Variants in CNTN6 observed in about 807,000 individuals in gnomAD.
CNTN6 encodes the protein contactin-6.
A neutral mutation model predicts 122.8 loss-of-function variants in CNTN6; 137 were observed. That is an observed-to-expected ratio of 1.12 (90% CI 0.97 to 1.29). CNTN6 has a LOEUF of 1.29. Among genes scored for constraint, CNTN6 ranks in the 50% most tolerant of loss-of-function variants. The pLI is 0.00. For synonymous variants in CNTN6, 570 were observed against 426.0 expected (o/e 1.34, Z -4.16); for missense variants, 1,634 against 1,223.4 (o/e 1.34, Z -5.01).
At chr3:1,291,549 G>C (rs533403285) in intron 5 of CNTN6, among the ~76,000 whole-genome samples, 1 of 152,194 alleles carries the variant, frequency 6.6e-6, no homozygotes, top group Admixed American at 6.5e-5. Context: ...ATAAGGATCC[G>C]TAAGCTGAGA....
At chr3:1,268,544 T>C (rs568980962) in intron 4 of CNTN6, among the ~76,000 whole-genome samples, 46 of 145,726 alleles carry the variant, frequency 3.2e-4, no homozygotes, top group African/African-American at 1.0e-3. Flanking sequence ...GAGGAGGAGC[T>C]TGCAGTGAGC....
chr3:1,372,586 T>G, intron 13 of CNTN6, 112 bp downstream of exon 13: 1 of 944,966 alleles, frequency 1.1e-6, no homozygotes, highest in Non-Finnish European at 1.6e-6. Context: ...AATCACTGAC[T>G]GTTTTTGAAG....
At chr3:1,344,126 A>T (rs1354924023) in intron 11 of CNTN6, among the ~76,000 whole-genome samples, 1 of 152,080 alleles carries the variant, frequency 6.6e-6, no homozygotes, top group East Asian at 1.9e-4. Context: ...GAGAAAGCAT[A>T]TCGTGAACTC....
chr3:1,250,034 G>C (rs1398847736), intron 4 of CNTN6, among the ~76,000 whole-genome samples: 1 of 152,088 alleles, frequency 6.6e-6, no homozygotes, highest in African/African-American at 2.4e-5. Context: ...GTAAAATGTA[G>C]CTGATTCAAA....
chr3:1,145,861 T>C (rs1218527505), intron 1 of CNTN6, among the ~76,000 whole-genome samples: 1 of 152,170 alleles, frequency 6.6e-6, no homozygotes, highest in East Asian at 1.9e-4. Context: ...ACTTTGGATG[T>C]TTGTGAAATT....
chr3:1,244,298 G>A (rs962848437), intron 4 of CNTN6, among the ~76,000 whole-genome samples: 4 of 152,260 alleles, frequency 2.6e-5, no homozygotes, highest in Admixed American at 6.5e-5. Flanking sequence ...GTAGAGACAC[G>A]GAGGGAAGGG....
intron 6 of CNTN6, among the ~76,000 whole-genome samples, chr3:1,296,142 C>G (rs1696193329): frequency 6.6e-6 from 1 of 152,020 alleles, no homozygotes; most frequent in Non-Finnish European, 1.5e-5. Context: ...AAACATATAA[C>G]TGAATCAATA....
At chr3:1,241,621 G>T (rs973472561) in intron 4 of CNTN6, among the ~76,000 whole-genome samples, 1 of 152,074 alleles carries the variant, frequency 6.6e-6, no homozygotes, top group African/African-American at 2.4e-5. Flanking sequence ...GCCCAAGGGG[G>T]TTCAGCATAA....
chr3:1,126,468 A>G (rs1257604373), intron 1 of CNTN6, among the ~76,000 whole-genome samples: 2 of 151,772 alleles, frequency 1.3e-5, no homozygotes, highest in East Asian at 3.9e-4. Flanking sequence ...TTCCAATCTC[A>G]TTATACCCCA....
rs80240088 is a variant in CNTN6 at position 1,353,410 on chromosome 3, C to T, written c.1492+959C>T. On this transcript the variant is annotated intron_variant, in intron 12 of 22. Coordinates refer to ENST00000446702, the MANE Select transcript of CNTN6 (RefSeq NM_001289080.2). The stretch of plus-strand genomic sequence containing the variant: ...CCTTTGAGCCTGGAAGATATTTCTG[C>T]CAACTTGTCTCAAGCGTATTACATT... 8.2e-3 allele frequency among the ~76,000 whole-genome samples: 1,237 copies of T among 151,778 alleles called. 12 individuals carry two copies. The highest frequency in any genetic ancestry group is 0.013 in the Non-Finnish European group (906 of 67,736).
chr3:1,343,305 T>C (rs1258699933), intron 11 of CNTN6, among the ~76,000 whole-genome samples: 3 of 152,142 alleles, frequency 2.0e-5, no homozygotes, highest in Admixed American at 6.6e-5. Context: ...ATTTCAACTC[T>C]GTGAGAATGT....
intron 5 of CNTN6, among the ~76,000 whole-genome samples, chr3:1,279,820 C>T (rs1249320375): frequency 6.6e-6 from 1 of 152,114 alleles, no homozygotes; most frequent in Non-Finnish European, 1.5e-5. Context: ...CATGAATTGC[C>T]ATGACCAAAA....
At chr3:1,191,968 A>C (rs980007485) in intron 2 of CNTN6, among the ~76,000 whole-genome samples, 1 of 152,192 alleles carries the variant, frequency 6.6e-6, no homozygotes, top group Non-Finnish European at 1.5e-5. Flanking sequence ...CATTCTGATC[A>C]CAATAATAGG....
intron 4 of CNTN6, among the ~76,000 whole-genome samples, chr3:1,269,253 C>G (rs1234471986): frequency 6.6e-6 from 1 of 152,156 alleles, no homozygotes; most frequent in African/African-American, 2.4e-5. Flanking sequence ...CACGGCCAAG[C>G]TAGCATTTGA....
At chr3:1,214,301 CTTTTT>C (rs34799447) in intron 2 of CNTN6, among the ~76,000 whole-genome samples, 3 of 44,034 alleles carry the variant, frequency 6.8e-5, no homozygotes, top group African/African-American at 3.0e-4. Context: ...TGTTGGATGT[CTTTTT>C]TTTTTTTTTT....
Position 1,312,188 on chromosome 3 carries a change from G to A in CNTN6, c.762-9462G>A, listed in dbSNP as rs184343234. Among the ~76,000 whole-genome samples, 995 of 151,484 alleles carry A rather than the reference G, an allele frequency of 6.6e-3. 12 individuals are homozygous for A. Among genetic ancestry groups the A allele is most frequent in the African/African-American group, 0.021 (891 of 41,448 alleles). Reference sequence around the variant, plus strand: ...TCTTTTAATCTTAAAGACACACTCCGAATCTAATGTCAAACATTCCTTTCC... The same window carrying A: ...TCTTTTAATCTTAAAGACACACTCCAAATCTAATGTCAAACATTCCTTTCC... On this transcript the variant is annotated intron_variant, in intron 7 of 22. Transcript: ENST00000446702.
At chr3:1,295,862 A>G (rs1696140104) in intron 6 of CNTN6, 58 bp downstream of exon 6, 2 of 1,472,648 alleles carry the variant, frequency 1.4e-6, no homozygotes, top group African/African-American at 2.8e-5. Context: ...AAGCCTGGGA[A>G]GATTCGTAAA....
At chr3:1,266,327 G>A (rs903098169) in intron 4 of CNTN6, among the ~76,000 whole-genome samples, 7 of 152,082 alleles carry the variant, frequency 4.6e-5, no homozygotes, top group African/African-American at 1.2e-4. Context: ...GACCTTGCTT[G>A]GACTAAGAAA....
intron 1 of CNTN6, among the ~76,000 whole-genome samples, chr3:1,147,186 T>C (rs2092740836): frequency 6.6e-6 from 1 of 152,100 alleles, no homozygotes; most frequent in Admixed American, 6.6e-5. Context: ...TTCCAAAGGA[T>C]CTTATCACTT....
Sources: allele counts gnomAD v4.1 joint callset (sites outside exome capture counted in the v4.1 genomes callset), GRCh38; gene constraint gnomAD v4.1.1; transcripts MANE v1.5; gene names NCBI Gene and HGNC (gene_info 2026-07-23, HGNC 2026-07-21).